Variants in USP48 observed in about 807,000 individuals in gnomAD.
The protein encoded by USP48 is ubiquitin specific peptidase 48.
A neutral mutation model predicts 150.7 loss-of-function variants in USP48; 43 were observed. That is an observed-to-expected ratio of 0.29 (90% CI 0.22 to 0.37). The LOEUF (loss-of-function observed/expected upper bound fraction) is 0.37. Ranked by LOEUF, USP48 falls within the 10% of genes least tolerant of loss-of-function variation. The probability of loss-of-function intolerance (pLI) is 1.00; values close to 1 mark genes in which losing one functional copy is unlikely to be tolerated. For synonymous variants in USP48, 396 were observed against 425.9 expected (o/e 0.93, Z 0.86); for missense variants, 813 against 1,249.6 (o/e 0.65, Z 5.27).
intron 1 of USP48, among the ~76,000 whole-genome samples, 180 bp from the exon 2 acceptor site, chr1:21,757,963 G>T (rs2097841001): frequency 1.3e-5 from 2 of 152,106 alleles, no homozygotes; most frequent in African/African-American, 4.8e-5. Flanking sequence ...TGGTAGAAAT[G>T]CAGTCACTAA....
chr1:21,704,653 C>A, intron 19 of USP48: 1 of 337,434 alleles, frequency 3.0e-6, no homozygotes, highest in Non-Finnish European at 5.4e-6. Context: ...AAGTTAGTTG[C>A]AGAAGTATAA....
rs998213927 is a variant in USP48, at chr1:21,679,340, C to G, written c.*77G>C. 1 of 1,573,246 alleles carries G rather than the reference C, an allele frequency of 6.4e-7. No homozygotes were observed. Among genetic ancestry groups the G allele is most frequent in the African/African-American group, 1.3e-5 (1 of 74,126 alleles). On this transcript the variant is annotated 3_prime_UTR_variant, in exon 27 of 27. Coordinates refer to ENST00000308271, the MANE Select transcript of USP48 (RefSeq NM_032236.8). ...GTAATGGTTTAATTCTTAAATCCACCTTTGCTTTAATGCCCTAACATGTCA... is the reference window on the plus strand; with the variant it reads ...GTAATGGTTTAATTCTTAAATCCACGTTTGCTTTAATGCCCTAACATGTCA...
chr1:21,747,180 A>C, intron 7 of USP48, 31 bp from the exon 8 acceptor site: 1 of 1,483,058 alleles, frequency 6.7e-7, no homozygotes, highest in Non-Finnish European at 9.3e-7. Context: ...TTATATTTAC[A>C]TTTAAAACAA....
intron 1 of USP48, among the ~76,000 whole-genome samples, chr1:21,780,682 A>G (rs4654983): frequency 0.82 from 123,791 of 151,218 alleles, 51,302 homozygotes; most frequent in Admixed American, 0.89. Context: ...TGAAATGTCC[A>G]GAATAGGGAA....
chr1:21,765,787 G>A (rs2152628519), intron 1 of USP48, among the ~76,000 whole-genome samples: 1 of 151,356 alleles, frequency 6.6e-6, no homozygotes, highest in Middle Eastern at 3.4e-3. Flanking sequence ...TTGGAAGGCT[G>A]AGGTGAGTGG....
At chr1:21,711,849 T>C (rs1463171996) in intron 15 of USP48, among the ~76,000 whole-genome samples, 2 of 152,210 alleles carry the variant, frequency 1.3e-5, no homozygotes, top group African/African-American at 4.8e-5. Flanking sequence ...AACAATGGCT[T>C]TGGACTTCTG....
chr1:21,705,719 G>C lies in USP48; in HGVS notation c.2384+8C>G, dbSNP rs766429624. ...GAAAAAAAAATCACATGAAGAGAAG[G>C]AACTCACAGTTTAGAATCTTCTTTG... On this transcript the variant is annotated splice_region_variant and intron_variant, in intron 19 of 26. Transcript: ENST00000308271. 6.4e-7 allele frequency: 1 copy of C among 1,567,166 alleles called. No individual in the cohort carries two copies.
chr1:21,752,620 G>C lies in USP48; in HGVS notation c.572C>G (p.Ser191Cys). Residue 191 changes from serine to cysteine, a missense_variant, in exon 5 of 27, where the codon TCT becomes TGT. Ser to Cys is a moderately radical substitution (Grantham distance 112). Coordinates refer to ENST00000308271, the MANE Select transcript of USP48 (RefSeq NM_032236.8). ...TTTAGACAAAGTATCTTCCAATAGA[G>C]ACATAAAGAGCTTTGAAAATTCTTG... ...DAQEFSKLFM[S>C]LLEDTLSKQK... 1 of 1,604,596 alleles carries C rather than the reference G, an allele frequency of 6.2e-7. No homozygotes were observed.
intron 22 of USP48, among the ~76,000 whole-genome samples, chr1:21,695,427 C>A (rs1048395217): frequency 5.9e-5 from 9 of 152,182 alleles, no homozygotes; most frequent in African/African-American, 2.2e-4. Context: ...GTAATACACA[C>A]CTCTAAGTGC....
chr1:21,739,189 A>ACAGGGGACTCCCAC (rs2097775445), intron 8 of USP48, among the ~76,000 whole-genome samples: 1 of 152,082 alleles, frequency 6.6e-6, no homozygotes, highest in South Asian at 2.1e-4. Flanking sequence ...GAGGAGTCTA[A>ACAGGGGACTCCCAC]CAGGGGACTC....
intron 1 of USP48, among the ~76,000 whole-genome samples, chr1:21,778,894 G>C (rs1248442839): frequency 6.6e-6 from 1 of 151,864 alleles, no homozygotes; most frequent in East Asian, 2.0e-4. Context: ...CCATTCTCCT[G>C]CCCCAGCCTC....
At chr1:21,683,688 C>T (rs534294251) in intron 25 of USP48, among the ~76,000 whole-genome samples, 10 of 152,286 alleles carry the variant, frequency 6.6e-5, no homozygotes, top group Non-Finnish European at 1.2e-4. Flanking sequence ...TTTCTTCTAG[C>T]TCTTTTGAAA....
At chr1:21,716,856 G>A (rs976346198) in intron 14 of USP48, among the ~76,000 whole-genome samples, 1 of 151,708 alleles carries the variant, frequency 6.6e-6, no homozygotes, top group African/African-American at 2.4e-5. Flanking sequence ...GTGAAACCTC[G>A]TCTCTACTAA....
At chr1:21,693,659 G>T (rs3767133) in intron 23 of USP48, among the ~76,000 whole-genome samples, 18,433 of 152,244 alleles carry the variant, frequency 0.12, 1,667 homozygotes, top group East Asian at 0.26. Context: ...AATGTCTTTA[G>T]GCACAGGGGC....
rs1305000139 is a variant in USP48 at position 21,736,635 on chromosome 1, A to G, written c.992-10T>C. ...TACACGTAGGACCCACCTGGAGAGAAAGGGAGAAAGTAAAAGAAACGTTGG... is the reference window on the plus strand; with the variant it reads ...TACACGTAGGACCCACCTGGAGAGAGAGGGAGAAAGTAAAAGAAACGTTGG... On this transcript the variant is annotated splice_polypyrimidine_tract_variant and intron_variant, in intron 8 of 26. Transcript: ENST00000308271. The G allele has an allele frequency of 7.3e-7, 1 of 1,376,034 alleles. No homozygotes were observed. Among genetic ancestry groups the G allele is most frequent in the Non-Finnish European group, 9.4e-7 (1 of 1,058,698 alleles). 85.2% of individuals were successfully genotyped at this position (1,376,034 alleles called of 1,614,324 possible).
intron 25 of USP48, 109 bp from the exon 26 acceptor site, chr1:21,680,943 T>G (rs767897119): frequency 1.8e-5 from 14 of 772,676 alleles, no homozygotes; most frequent in Non-Finnish European, 2.7e-5. Flanking sequence ...TTTGATTACC[T>G]TTGTCACCTG....
chr1:21,697,401 T>A (rs140704967), intron 22 of USP48, among the ~76,000 whole-genome samples: 20 of 150,818 alleles, frequency 1.3e-4, no homozygotes, highest in Middle Eastern at 3.5e-3. Context: ...TGGTGGCTCA[T>A]GCCTGTAATC....
intron 9 of USP48, among the ~76,000 whole-genome samples, chr1:21,733,354 T>G (rs749677443): frequency 1.3e-5 from 2 of 151,894 alleles, no homozygotes; most frequent in African/African-American, 2.4e-5. Context: ...GAGGTGGAAG[T>G]TGTAGTGAGC....
intron 11 of USP48, chr1:21,727,762 A>T: frequency 1.9e-6 from 1 of 517,988 alleles, no homozygotes. Context: ...ATATATTCTT[A>T]TAGACTTGGC....
Sources: gnomAD v4.1 joint callset for allele counts (sites outside exome capture counted in the v4.1 genomes callset) on GRCh38, gnomAD v4.1.1 for gene constraint, MANE v1.5 for transcripts, NCBI Gene and HGNC (gene_info 2026-07-23, HGNC 2026-07-21) for gene names.